The following PRKCZ variants were observed in gnomAD, a reference collection of about 807,000 sequenced individuals.
PRKCZ encodes the protein protein kinase C zeta.
PRKCZ carries 33 observed loss-of-function variants against 79.5 expected under a neutral mutation model. The observed-to-expected ratio is 0.41, with a 90% confidence interval of 0.31 to 0.55. The LOEUF (loss-of-function observed/expected upper bound fraction) is 0.55. Ranked by LOEUF, PRKCZ falls within the 20% of genes least tolerant of loss-of-function variation. PRKCZ has a pLI of 0.19. For synonymous variants in PRKCZ, 342 were observed against 320.9 expected, an observed-to-expected ratio of 1.07 and a Z score of -0.70; for missense variants, 578 against 813.5, an observed-to-expected ratio of 0.71 and a Z score of 3.52.
intron 4 of PRKCZ, chr1:2,073,872 C>T (rs1446621246): frequency 3.3e-5 from 36 of 1,094,834 alleles, no homozygotes; most frequent in Non-Finnish European, 3.6e-5. Context: ...CCTCCCTGCA[C>T]GCCCGCCGCG....
chr1:2,114,059 G>T (rs1355794291), intron 4 of PRKCZ, among the ~76,000 whole-genome samples: 1 of 152,154 alleles, frequency 6.6e-6, no homozygotes, highest in Non-Finnish European at 1.5e-5. Flanking sequence ...CGTGGGTGAG[G>T]GTATGGCCGG....
chr1:2,148,656 G>A (rs1257119228), intron 7 of PRKCZ, among the ~76,000 whole-genome samples: 1 of 152,230 alleles, frequency 6.6e-6, no homozygotes, highest in African/African-American at 2.4e-5. Context: ...TGTCACGAAT[G>A]TACATCCCCA....
chr1:2,136,280 T>C (rs1261065024), intron 5 of PRKCZ, among the ~76,000 whole-genome samples: 2 of 152,170 alleles, frequency 1.3e-5, no homozygotes, highest in Non-Finnish European at 2.9e-5. Context: ...GTCCCTGTCA[T>C]GTGGCAAGAG....
chr1:2,063,799 G>A (rs1239276612), intron 4 of PRKCZ, among the ~76,000 whole-genome samples: 2 of 151,044 alleles, frequency 1.3e-5, no homozygotes, highest in Non-Finnish European at 2.9e-5. Flanking sequence ...CATTTCCCTG[G>A]TGATAAGTGA....
Position 2,178,154 on chromosome 1 carries a change from G to A in PRKCZ, c.1575+2841G>A, listed in dbSNP as rs908717376. The stretch of plus-strand genomic sequence containing the variant: ...AATCCCAGAGTTACATGACGTCATC[G>A]CGATCACTTTCATCACCCTGTACCC... On this transcript the variant is annotated intron_variant, in intron 16 of 17. Coordinates refer to ENST00000378567, the MANE Select transcript of PRKCZ (RefSeq NM_002744.6). The surrounding 1 kb of genome is among the most constrained non-coding windows in gnomAD (Gnocchi z 4.3). Among the ~76,000 whole-genome samples the A allele has an allele frequency of 1.3e-5, 2 of 152,104 alleles. No homozygotes were observed. The highest frequency in any genetic ancestry group is 2.9e-5 in the Non-Finnish European group (2 of 68,030).
At position 2,050,598 on chromosome 1, in the gene PRKCZ, G is replaced by A. The variant is rs1659548713; in HGVS notation, c.-33G>A. On this transcript the variant is annotated 5_prime_UTR_variant, in exon 1 of 18. Coordinates refer to ENST00000378567, the MANE Select transcript of PRKCZ (RefSeq NM_002744.6). ...CCGCGCCATGGCCGGAGCTCCCGGG[G>A]CGCAGCGCTGACGGCGGCGGGGGGA... 1 of 1,206,952 alleles carries A rather than the reference G, an allele frequency of 8.3e-7. No individual in the cohort carries two copies. Among genetic ancestry groups the A allele is most frequent in the Non-Finnish European group, 1.0e-6 (1 of 968,352 alleles). The allele number at this position is 1,206,952 out of a possible 1,614,324, so 74.8% of individuals were successfully genotyped here. A position where few individuals can be genotyped will look rare whatever the true frequency, so the allele number is the denominator to read the frequency against.
rs1458393077 is a variant in PRKCZ, at chr1:2,177,870, TTGCCACCGACTGCCAGCCCTGCCTC to T, written c.1575+2568_1575+2592del. On this transcript the variant is annotated intron_variant, in intron 16 of 17. Coordinates refer to ENST00000378567, the MANE Select transcript of PRKCZ (RefSeq NM_002744.6). The surrounding 1 kb of genome is among the most constrained non-coding windows in gnomAD (Gnocchi z 6.4). The stretch of plus-strand genomic sequence containing the variant: ...CCAGCCTGAGAGGCCTGCGAAGGGC[TTGCCACCGACTGCCAGCCCTGCCTC>T]TGCCACCGACCGCCGGCCCTGCCTC... Among the ~76,000 whole-genome samples, 5 of 152,056 alleles carry T rather than the reference TTGCCACCGACTGCCAGCCCTGCCTC, an allele frequency of 3.3e-5. No homozygotes were observed. The highest frequency in any genetic ancestry group is 2.6e-4 in the Admixed American group (4 of 15,274).
rs1424621774 is a variant in PRKCZ, at chr1:2,177,851, T to C, written c.1575+2538T>C. Among the ~76,000 whole-genome samples, 26 of 152,264 alleles carry C rather than the reference T, an allele frequency of 1.7e-4. 1 individual carries two copies. The highest frequency in any genetic ancestry group is 1.7e-3 in the Admixed American group (26 of 15,298). On this transcript the variant is annotated intron_variant, in intron 16 of 17. Transcript: ENST00000378567. This position sits in a 1 kb window ranked among gnomAD's most constrained non-coding sequence, Gnocchi z 6.4. ...CTGTGTTGTGACTTCCATCCCAGCC[T>C]GAGAGGCCTGCGAAGGGCTTGCCAC...
intron 10 of PRKCZ, chr1:2,169,005 A>G (rs567730117): frequency 2.8e-4 from 103 of 371,566 alleles, no homozygotes; most frequent in African/African-American, 1.9e-3. Flanking sequence ...CCGGGATGCC[A>G]CTTCCCACCT....
At chr1:2,088,492 C>A (rs1352997699) in intron 4 of PRKCZ, among the ~76,000 whole-genome samples, 6 of 152,220 alleles carry the variant, frequency 3.9e-5, no homozygotes, top group Non-Finnish European at 7.3e-5. Context: ...TCCTCGAGTC[C>A]TTGAGTGAAG....
chr1:2,096,881 C>T (rs766101448), intron 4 of PRKCZ, among the ~76,000 whole-genome samples: 15 of 152,180 alleles, frequency 9.9e-5, no homozygotes, highest in East Asian at 5.8e-4. Flanking sequence ...GGACTCAGGA[C>T]GAGGCCCCTT....
At position 2,168,945 on chromosome 1, in the gene PRKCZ, C is replaced by G. The variant is rs996796738; in HGVS notation, c.975-573C>G. 23 of 351,628 alleles carry G rather than the reference C, an allele frequency of 6.5e-5. No individual in the cohort carries two copies. Among genetic ancestry groups the G allele is most frequent in the Non-Finnish European group, 1.3e-4 (23 of 173,292 alleles). 21.8% of individuals were successfully genotyped at this position (351,628 alleles called of 1,614,324 possible). A position where few individuals can be genotyped will look rare whatever the true frequency, so the allele number is the denominator to read the frequency against. ...CTGAGACGGGAAGGGCCTGCGTGGT[C>G]CTGATGACATCTGCGGATCTTTTAA... On this transcript the variant is annotated intron_variant, in intron 10 of 17. Coordinates refer to ENST00000378567, the MANE Select transcript of PRKCZ (RefSeq NM_002744.6). This position sits in a 1 kb window ranked among gnomAD's most constrained non-coding sequence, Gnocchi z 4.7.
intron 4 of PRKCZ, among the ~76,000 whole-genome samples, chr1:2,095,752 CCCCTCCTTTCCGCTCCCCTCCTCTT>C (rs1666360783): frequency 7.0e-6 from 1 of 142,032 alleles, no homozygotes; most frequent in Non-Finnish European, 1.5e-5. Context: ...CCCCTCCTCT[CCCCTCCTTTCCGCTCCCCTCCTCTT>C]CCCTCCTCTG....
At chr1:2,071,622 G>A (rs1483576143) in intron 4 of PRKCZ, 1 of 200,852 alleles carries the variant, frequency 5.0e-6, no homozygotes, top group African/African-American at 2.4e-5. Flanking sequence ...CAATTTGCCT[G>A]CTGAGCCTGA....
intron 3 of PRKCZ, among the ~76,000 whole-genome samples, chr1:2,058,189 G>T (rs1660358674): frequency 6.6e-6 from 1 of 151,138 alleles, no homozygotes; most frequent in Admixed American, 6.6e-5. Context: ...TTTTAGTAGA[G>T]ATGGGGTCTC....
chr1:2,071,659 T>C (rs1661599858), intron 4 of PRKCZ: 1 of 178,900 alleles, frequency 5.6e-6, no homozygotes, highest in Non-Finnish European at 1.2e-5. Flanking sequence ...CAAAGCTGGA[T>C]ATTTTGGGAT....
chr1:2,084,175 G>A (rs1664078500), intron 4 of PRKCZ, among the ~76,000 whole-genome samples: 1 of 152,224 alleles, frequency 6.6e-6, no homozygotes, highest in Admixed American at 6.5e-5. Context: ...GGGAGGCGGA[G>A]GTTGCGGTGA....
chr1:2,160,334 G>A (rs1445779756), intron 10 of PRKCZ, among the ~76,000 whole-genome samples: 2 of 152,076 alleles, frequency 1.3e-5, no homozygotes, highest in South Asian at 4.1e-4. Flanking sequence ...TAACAGCAGA[G>A]AGTGACGTCC....
intron 4 of PRKCZ, among the ~76,000 whole-genome samples, chr1:2,069,887 A>G (rs1017819409): frequency 2.6e-5 from 4 of 152,152 alleles, no homozygotes; most frequent in African/African-American, 4.8e-5. Flanking sequence ...GGCAGCGTCC[A>G]TGGGACAGGG....
Sources: gnomAD v4.1 joint callset for allele counts (sites outside exome capture counted in the v4.1 genomes callset) on GRCh38, gnomAD v4.1.1 for gene constraint, Gnocchi (gnomAD v3.1) non-coding constraint, MANE v1.5 for transcripts, NCBI Gene and HGNC (gene_info 2026-07-23, HGNC 2026-07-21) for gene names.